SPAG16: variants seen among roughly 807,000 people sequenced by gnomAD.
SPAG16 encodes the protein sperm associated antigen 16, also known as sperm-associated antigen 16 protein.
Under a neutral mutation model 80.4 loss-of-function variants are expected in SPAG16, and 86 were observed. The observed-to-expected ratio is 1.07, with a 90% confidence interval of 0.90 to 1.28. The LOEUF (loss-of-function observed/expected upper bound fraction) is 1.28, where lower values mean the gene tolerates loss of function less well. Among genes scored for constraint, SPAG16 ranks in the 50% most tolerant of loss-of-function variants. SPAG16 has a pLI of 0.00. For synonymous variants in SPAG16, 294 were observed against 265.9 expected, an observed-to-expected ratio of 1.11 and a Z score of -1.03; for missense variants, 870 against 765.3, an observed-to-expected ratio of 1.14 and a Z score of -1.61.
chr2:213,450,765 A>C (rs1246278567), intron 9 of SPAG16, among the ~76,000 whole-genome samples: 1 of 152,200 alleles, frequency 6.6e-6, no homozygotes, highest in East Asian at 1.9e-4. Context: ...TGTATGTTTT[A>C]ATCAATATTC....
intron 6 of SPAG16, among the ~76,000 whole-genome samples, chr2:213,349,072 T>C (rs968293787): frequency 2.0e-5 from 3 of 152,188 alleles, no homozygotes; most frequent in Non-Finnish European, 4.4e-5. Flanking sequence ...TCTCAGGGGA[T>C]TTCTCAAATA....
intron 10 of SPAG16, among the ~76,000 whole-genome samples, chr2:213,856,268 G>T (rs2075163526): frequency 2.0e-5 from 3 of 152,196 alleles, no homozygotes; most frequent in Admixed American, 6.5e-5. Context: ...GATGCAAGAG[G>T]TGGACTCCCA....
chr2:214,047,463 A>AT (rs2049392924), intron 13 of SPAG16, among the ~76,000 whole-genome samples: 1 of 152,194 alleles, frequency 6.6e-6, no homozygotes, highest in Admixed American at 6.5e-5. Context: ...TTTTCAATAA[A>AT]TGTTGCTGGA....
chr2:214,114,536 G>A (rs1200493691), intron 14 of SPAG16, among the ~76,000 whole-genome samples: 3 of 152,310 alleles, frequency 2.0e-5, no homozygotes, highest in South Asian at 2.1e-4. Flanking sequence ...CCAGGCTGAA[G>A]CCTCACAGTT....
chr2:213,805,433 CAAATAGTG>C (rs1247812684), intron 10 of SPAG16, among the ~76,000 whole-genome samples: 2 of 152,144 alleles, frequency 1.3e-5, no homozygotes, highest in Non-Finnish European at 2.9e-5. Flanking sequence ...CAACTGTCTT[CAAATAGTG>C]AAGAATATGA....
At chr2:214,318,373 CTTTTTTTTTTTT>C (rs34923875) in intron 15 of SPAG16, among the ~76,000 whole-genome samples, 4 of 69,836 alleles carry the variant, frequency 5.7e-5, no homozygotes, top group South Asian at 7.0e-4. Flanking sequence ...AGAGTGAATT[CTTTTTTTTTTTT>C]TTTTTTTTTT....
At chr2:214,252,221 C>G (rs1306545529) in intron 15 of SPAG16, among the ~76,000 whole-genome samples, 4 of 151,926 alleles carry the variant, frequency 2.6e-5, no homozygotes, top group Non-Finnish European at 5.9e-5. Flanking sequence ...GCTTGCAAAA[C>G]CTAATATGTT....
At chr2:213,702,482 C>T (rs1320956680) in intron 10 of SPAG16, among the ~76,000 whole-genome samples, 2 of 152,284 alleles carry the variant, frequency 1.3e-5, no homozygotes, top group Non-Finnish European at 2.9e-5. Flanking sequence ...CCAAAAGGAA[C>T]AAACAACTCC....
At chr2:214,229,765 C>T (rs1328705563) in intron 15 of SPAG16, among the ~76,000 whole-genome samples, 1 of 151,696 alleles carries the variant, frequency 6.6e-6, no homozygotes, top group African/African-American at 2.4e-5. Flanking sequence ...TCAATACAAA[C>T]ATGGGAGACA....
intron 10 of SPAG16, among the ~76,000 whole-genome samples, chr2:213,609,514 A>T (rs1011889097): frequency 1.3e-5 from 2 of 152,182 alleles, no homozygotes; most frequent in East Asian, 3.9e-4. Flanking sequence ...CTTACATACC[A>T]CAGTGACTAG....
chr2:214,009,898 GA>G (rs1420654410), intron 12 of SPAG16, among the ~76,000 whole-genome samples: 1 of 148,712 alleles, frequency 6.7e-6, no homozygotes, highest in Admixed American at 6.6e-5. Context: ...ATAATAAAAA[GA>G]AACCAACCAG....
At chr2:213,730,210 C>T (rs1245895618) in intron 10 of SPAG16, among the ~76,000 whole-genome samples, 1 of 152,166 alleles carries the variant, frequency 6.6e-6, no homozygotes, top group Admixed American at 6.5e-5. Flanking sequence ...GTCAATCTCA[C>T]TCATTGTAAC....
intron 9 of SPAG16, among the ~76,000 whole-genome samples, chr2:213,427,794 T>G (rs1439671821): frequency 6.6e-6 from 1 of 152,252 alleles, no homozygotes; most frequent in Non-Finnish European, 1.5e-5. Context: ...TTGTCAAAAC[T>G]GAGCATCTTA....
rs71063769 is a variant in SPAG16 at position 213,718,149 on chromosome 2, C to CAAA, written c.1071-144318_1071-144316dup. 1.8e-3 allele frequency among the ~76,000 whole-genome samples: 163 copies of CAAA among 92,238 alleles called. 1 individual carries two copies. The highest frequency in any genetic ancestry group is 6.5e-3 in the African/African-American group (140 of 21,484). 60.5% of individuals were successfully genotyped at this position (92,238 alleles called of 152,430 possible). A position where few individuals can be genotyped will look rare whatever the true frequency, so the allele number is the denominator to read the frequency against. The stretch of plus-strand genomic sequence containing the variant: ...TCTACAAAGAACTTAAACAAGTTTA[C>CAAA]AAAAAAAAAAAAAAAAAAAAGAAAA... On this transcript the variant is annotated intron_variant, in intron 10 of 15. Transcript: ENST00000331683.
At chr2:214,183,525 G>A (rs1450419650) in intron 15 of SPAG16, among the ~76,000 whole-genome samples, 2 of 151,972 alleles carry the variant, frequency 1.3e-5, no homozygotes, top group African/African-American at 2.4e-5. Flanking sequence ...AAGGAGTGAA[G>A]TGGCTCATTT....
At chr2:213,331,982 C>G (rs936108488) in intron 5 of SPAG16, among the ~76,000 whole-genome samples, 7 of 151,798 alleles carry the variant, frequency 4.6e-5, no homozygotes, top group Admixed American at 1.3e-4. Context: ...TCTTAAAAAG[C>G]TAGCAAAGCA....
intron 11 of SPAG16, among the ~76,000 whole-genome samples, chr2:213,882,315 A>G (rs922873449): frequency 1.3e-5 from 2 of 152,084 alleles, no homozygotes; most frequent in Admixed American, 6.5e-5. Flanking sequence ...TTTCTCTGCC[A>G]TGTTTTCATA....
intron 6 of SPAG16, among the ~76,000 whole-genome samples, chr2:213,349,422 T>C (rs2065200869): frequency 1.3e-5 from 2 of 152,136 alleles, no homozygotes; most frequent in African/African-American, 4.8e-5. Flanking sequence ...GATAATAAGA[T>C]GGATAAACTC....
intron 15 of SPAG16, chr2:214,311,517 G>A (rs908449568): frequency 2.0e-5 from 3 of 152,258 alleles, no homozygotes; most frequent in Non-Finnish European, 4.4e-5. Context: ...GCTGTTAGTA[G>A]TCTGTCACAC....
Sources: allele counts gnomAD v4.1 joint callset (sites outside exome capture counted in the v4.1 genomes callset), GRCh38; gene constraint gnomAD v4.1.1; transcripts MANE v1.5; gene names NCBI Gene and HGNC (gene_info 2026-07-23, HGNC 2026-07-21).